WAPL: variants seen among roughly 807,000 people sequenced by gnomAD.
WAPL encodes WAPL cohesin release factor, also known as wings apart-like protein homolog.
In WAPL, 5 loss-of-function variants were observed where a neutral mutation model predicts 121.0. The ratio of observed to expected loss-of-function variants is 0.04; its 90% CI spans 0.02 to 0.09. The LOEUF (loss-of-function observed/expected upper bound fraction) is 0.09, where lower values mean the gene tolerates loss of function less well. WAPL is among the 10% of genes least tolerant of loss of function. The probability of loss-of-function intolerance (pLI) is 1.00; values close to 1 mark genes in which losing one functional copy is unlikely to be tolerated. For missense variants in WAPL, 999 were observed against 1,410.8 expected (o/e 0.71, Z 4.68); for synonymous variants, 480 against 481.5 (o/e 1.00, Z 0.04).
chr10:86,475,014 G>A (rs554205880), intron 4 of WAPL, among the ~76,000 whole-genome samples: 1 of 152,278 alleles, frequency 6.6e-6, no homozygotes, highest in East Asian at 1.9e-4. Context: ...CATGATTTCT[G>A]CAGCAAAATG....
chr10:86,465,280 G>A (rs139851349), intron 9 of WAPL, among the ~76,000 whole-genome samples: 248 of 152,052 alleles, frequency 1.6e-3, no homozygotes, highest in African/African-American at 5.5e-3. Flanking sequence ...TGAAACCTCC[G>A]CCTCGCCTCC....
At chr10:86,464,840 AAAAC>A (rs556705467) in intron 9 of WAPL, among the ~76,000 whole-genome samples, 46 of 152,344 alleles carry the variant, frequency 3.0e-4, no homozygotes, top group East Asian at 2.5e-3. Flanking sequence ...TCGTCTCAAA[AAAAC>A]AAACAAACAA....
chr10:86,437,517 G>A lies in WAPL; in HGVS notation c.*26C>T, dbSNP rs1286957021. ...GTCTAAGGATAGCTCCAGCATTACCGAGCACCTGAAGCAAAGGTAAAGCAG... is the reference window on the plus strand; with the variant it reads ...GTCTAAGGATAGCTCCAGCATTACCAAGCACCTGAAGCAAAGGTAAAGCAG... On this transcript the variant is annotated 3_prime_UTR_variant, in exon 19 of 19. Coordinates refer to ENST00000298767, the MANE Select transcript of WAPL (RefSeq NM_015045.5). 22 of 1,609,782 alleles carry A rather than the reference G, an allele frequency of 1.4e-5. No homozygotes were observed. The South Asian group carries it at 1.4e-4, about 11-fold the overall frequency.
intron 15 of WAPL, among the ~76,000 whole-genome samples, chr10:86,448,942 T>C (rs1361081362): frequency 6.6e-6 from 1 of 152,242 alleles, no homozygotes. Flanking sequence ...TTTTGATATA[T>C]GCATAAACAC....
At position 86,459,012 on chromosome 10, in the gene WAPL, G is replaced by A. The variant is rs1046102501; in HGVS notation, c.2634C>T (p.Ser878=). 1 of 1,607,820 alleles carries A rather than the reference G, an allele frequency of 6.2e-7. No individual in the cohort carries two copies. The highest frequency in any genetic ancestry group is 1.1e-5 in the South Asian group (1 of 89,328). Residue 878 remains serine, a synonymous_variant, in exon 12 of 19, where the codon TCC becomes TCT. Transcript: ENST00000298767. The part of the protein sequence containing the change: ...NQSYLIAYKD[S]QLIVSSAKAL... ...ACTTAGCTGATGAAACAATAAGTTG[G>A]GAATCTTTATATGCTATCAAGTAGC...
At chr10:86,464,672 A>G (rs1216731727) in intron 9 of WAPL, among the ~76,000 whole-genome samples, 2 of 152,318 alleles carry the variant, frequency 1.3e-5, no homozygotes, top group East Asian at 3.9e-4. Flanking sequence ...TGTCTCTACT[A>G]AAAATACAAG....
intron 10 of WAPL, among the ~76,000 whole-genome samples, chr10:86,460,783 G>A (rs565290269): frequency 2.2e-3 from 328 of 151,406 alleles, no homozygotes; most frequent in Non-Finnish European, 3.5e-3. Flanking sequence ...GCACAATCTC[G>A]GCTCACTGCA....
At chr10:86,452,940 G>C (rs758869703) in intron 14 of WAPL, among the ~76,000 whole-genome samples, 2 of 142,622 alleles carry the variant, frequency 1.4e-5, no homozygotes, top group Non-Finnish European at 1.5e-5. Flanking sequence ...CTGGAAGGCT[G>C]AGGCAGGAGA....
chr10:86,458,846 T>C (rs1191051445), intron 12 of WAPL, 143 bp downstream of exon 12: 2 of 553,890 alleles, frequency 3.6e-6, no homozygotes, highest in Non-Finnish European at 6.1e-6. Flanking sequence ...TTAAAACTTT[T>C]GTTACACAAT....
At chr10:86,451,071 G>A (rs1355374175) in intron 15 of WAPL, among the ~76,000 whole-genome samples, 1 of 151,892 alleles carries the variant, frequency 6.6e-6, no homozygotes, top group African/African-American at 2.4e-5. Context: ...AATACTAGAG[G>A]ACACGAAGTG....
At chr10:86,516,180 T>C (rs1415499432) in intron 2 of WAPL, among the ~76,000 whole-genome samples, 4 of 152,186 alleles carry the variant, frequency 2.6e-5, no homozygotes, top group African/African-American at 7.2e-5. Flanking sequence ...TACGCTGTTT[T>C]TTAATGGAAA....
At chr10:86,474,064 G>A (rs532363041) in intron 4 of WAPL, 91 bp from the exon 5 acceptor site, 8 of 1,036,130 alleles carry the variant, frequency 7.7e-6, no homozygotes, top group Non-Finnish European at 1.2e-5. Context: ...GCATAAACAT[G>A]TCCTAGAAAC....
rs544114519 is a variant in WAPL, at chr10:86,461,957, G to A, written c.2371-670C>T. On this transcript the variant is annotated intron_variant, in intron 9 of 18. Coordinates refer to ENST00000298767, the MANE Select transcript of WAPL (RefSeq NM_015045.5). ...TGTTGCAGACTGACTAGTTTTTAAA[G>A]GGCATACTGCGGGCTTAGCAGCTCA... Among the ~76,000 whole-genome samples, 3 of 152,158 alleles carry A rather than the reference G, an allele frequency of 2.0e-5. No homozygotes were observed. The East Asian group carries it at 5.8e-4, about 29-fold the overall frequency.
chr10:86,446,125 G>T, intron 16 of WAPL, 117 bp downstream of exon 16: 2 of 1,117,636 alleles, frequency 1.8e-6, no homozygotes, highest in Non-Finnish European at 1.3e-6. Context: ...GACTGAACTA[G>T]AGAGGTCCTC....
chr10:86,514,451 T>C (rs888122912), intron 2 of WAPL, among the ~76,000 whole-genome samples: 2 of 152,204 alleles, frequency 1.3e-5, no homozygotes, highest in Non-Finnish European at 2.9e-5. Context: ...GAAATATTCA[T>C]AGTGCTACAC....
At chr10:86,469,595 A>G (rs1841488366) in intron 8 of WAPL, among the ~76,000 whole-genome samples, 1 of 152,032 alleles carries the variant, frequency 6.6e-6, no homozygotes, top group Non-Finnish European at 1.5e-5. Context: ...AAGGTGAAAT[A>G]TTTTAGATAA....
chr10:86,446,824 G>A (rs774086726), intron 15 of WAPL, among the ~76,000 whole-genome samples: 2 of 152,222 alleles, frequency 1.3e-5, no homozygotes, highest in Non-Finnish European at 2.9e-5. Context: ...GTATAGTACT[G>A]ACACATAGAA....
chr10:86,510,826 G>A (rs1473440253), intron 2 of WAPL, among the ~76,000 whole-genome samples: 1 of 152,060 alleles, frequency 6.6e-6, no homozygotes, highest in Non-Finnish European at 1.5e-5. Flanking sequence ...AAAATAGTTT[G>A]GTCATCATTC....
chr10:86,475,282 G>A (rs192172098), intron 4 of WAPL, among the ~76,000 whole-genome samples: 8 of 152,274 alleles, frequency 5.3e-5, no homozygotes, highest in Admixed American at 1.3e-4. Flanking sequence ...CAAAAGTGAC[G>A]TTAAATTATG....
Sources: gnomAD v4.1 joint callset for allele counts (sites outside exome capture counted in the v4.1 genomes callset) on GRCh38, gnomAD v4.1.1 for gene constraint, MANE v1.5 for transcripts, NCBI Gene and HGNC (gene_info 2026-07-23, HGNC 2026-07-21) for gene names.